FBN1: variants seen among roughly 807,000 people sequenced by gnomAD.
The protein encoded by FBN1 is fibrillin 1.
In FBN1, 29 loss-of-function variants were observed where a neutral mutation model predicts 365.1. That is an observed-to-expected ratio of 0.08 (90% CI 0.06 to 0.11). The LOEUF (loss-of-function observed/expected upper bound fraction) is 0.11. FBN1 is among the 10% of genes least tolerant of loss of function. FBN1 has a pLI of 1.00. For missense variants in FBN1, 2,476 were observed against 3,703.2 expected (o/e 0.67, Z 8.60); for synonymous variants, 1,210 against 1,270.5 (o/e 0.95, Z 1.01).
At chr15:48,527,453 G>T (rs1045526595) in intron 8 of FBN1, among the ~76,000 whole-genome samples, 18 of 152,240 alleles carry the variant, frequency 1.2e-4, no homozygotes, top group African/African-American at 4.3e-4. Flanking sequence ...GACCAGCAGA[G>T]CTTTCTGCAC....
intron 6 of FBN1, among the ~76,000 whole-genome samples, chr15:48,586,801 T>C (rs2044439160): frequency 6.6e-6 from 1 of 152,246 alleles, no homozygotes; most frequent in Admixed American, 6.5e-5. Context: ...TCAAAACATC[T>C]ATCTAGAATA....
chr15:48,626,643 A>C (rs1050903166), intron 2 of FBN1, among the ~76,000 whole-genome samples: 6 of 152,226 alleles, frequency 3.9e-5, no homozygotes, highest in African/African-American at 1.4e-4. Context: ...AGGTAAAAGC[A>C]TGCAGTTTGC....
rs1235208264 is a variant in FBN1, at chr15:48,468,439, G to A, written c.4555C>T (p.Leu1519=). The A allele has an allele frequency of 6.2e-7, 1 of 1,614,202 alleles. No homozygotes were observed. Among genetic ancestry groups the A allele is most frequent in the East Asian group, 2.2e-5 (1 of 44,882 alleles). Residue 1519 remains leucine, a synonymous_variant, in exon 37 of 66, where the codon CTG becomes TTG. Transcript: ENST00000316623. ...ACACAGCCAACTCGAGTTGGGTTCA[G>A]TTCAAAATCAGGTGGGCAGTCACAG... is the stretch of plus-strand genomic sequence containing the variant. ...YICDCPPDFE[L]NPTRVGCVDT... is the part of the protein sequence containing the mutation.
Position 48,515,363 on chromosome 15 carries a change from G to A in FBN1, c.1468+24C>T, listed in dbSNP as rs768799966. On this transcript the variant is annotated intron_variant, in intron 12 of 65. Transcript: ENST00000316623. ...AACAGAATTACAACAGACCCTTGGT[G>A]CCAACCTAGGATGGATCACGTACCA... 4.3e-6 allele frequency: 7 copies of A among 1,613,362 alleles called. No individual in the cohort carries two copies. In the South Asian group the frequency reaches 7.7e-5, roughly 18 times the overall value.
At chr15:48,516,491 C>G (rs2043804266) in intron 10 of FBN1, 129 bp from the exon 11 acceptor site, 4 of 973,088 alleles carry the variant, frequency 4.1e-6, no homozygotes, top group South Asian at 2.9e-5. Context: ...CACAGGTCAA[C>G]TGGAGAAAAG....
Position 48,644,826 on chromosome 15 carries a change from CGGCCGCCGCT to C in FBN1, c.-67_-58del. On this transcript the variant is annotated 5_prime_UTR_variant, in exon 2 of 66. Coordinates refer to ENST00000316623, the MANE Select transcript of FBN1 (RefSeq NM_000138.5). ...CTTGCCGCGCCCGGGGCTCGGTCTG[CGGCCGCCGCT>C]GCGCCCTGAAGCGCACCGCGCCGCC... 6.5e-7 allele frequency: 1 copy of C among 1,549,246 alleles called. No individual in the cohort carries two copies. Among genetic ancestry groups the C allele is most frequent in the Non-Finnish European group, 8.7e-7 (1 of 1,151,320 alleles).
intron 4 of FBN1, 84 bp from the exon 5 acceptor site, chr15:48,600,318 TG>T: frequency 2.0e-6 from 2 of 990,604 alleles, no homozygotes; most frequent in Non-Finnish European, 3.2e-6. Flanking sequence ...TGTAGTTATT[TG>T]AAGAGAAAAT....
chr15:48,553,901 A>G (rs1382518351), intron 6 of FBN1, among the ~76,000 whole-genome samples: 2 of 152,220 alleles, frequency 1.3e-5, no homozygotes, highest in Non-Finnish European at 1.5e-5. Context: ...ATGAGCATTT[A>G]TGGAGCATGG....
At chr15:48,459,837 A>T (rs1470426941) in intron 43 of FBN1, among the ~76,000 whole-genome samples, 2 of 151,536 alleles carry the variant, frequency 1.3e-5, no homozygotes, top group African/African-American at 4.9e-5. Flanking sequence ...TTGATCCACG[A>T]AAGGACTTTA....
chr15:48,447,263 C>T (rs2043167757), intron 46 of FBN1, among the ~76,000 whole-genome samples: 3 of 152,108 alleles, frequency 2.0e-5, no homozygotes, highest in Admixed American at 6.6e-5. Context: ...CCTGGCATTA[C>T]CCCACAATCA....
At chr15:48,501,875 T>A (rs1039530449) in intron 17 of FBN1, among the ~76,000 whole-genome samples, 1 of 152,214 alleles carries the variant, frequency 6.6e-6, no homozygotes, top group African/African-American at 2.4e-5. Flanking sequence ...TAGGCAAATG[T>A]CTTCAACAGA....
In FBN1 at chr15:48,534,167, C is replaced by T. The variant is rs2043995476; in HGVS notation, c.775G>A (p.Gly259Arg). ...ECQAIPGLCQ[G>R]GNCINTVGSF... ...CCAACAGTATTAATGCAATTTCCTCCCTGACAGAGCCCGGGGATGGCCTGG... is the reference window on the plus strand; with the variant it reads ...CCAACAGTATTAATGCAATTTCCTCTCTGACAGAGCCCGGGGATGGCCTGG... The change falls in exon 8 of 66, where the codon GGA (glycine) becomes AGA (arginine). Residue 259 changes from glycine (G) to arginine (R), a missense_variant. Gly to Arg is a moderately radical substitution (Grantham distance 125). Around this residue, in one of 5 missense-constraint regions of FBN1, gnomAD observed 421 missense variants for 520.1 expected, o/e 0.81. Coordinates refer to ENST00000316623, the MANE Select transcript of FBN1 (RefSeq NM_000138.5). The T allele has an allele frequency of 6.2e-7, 1 of 1,613,766 alleles. No homozygotes were observed. Among genetic ancestry groups the T allele is most frequent in the Non-Finnish European group, 8.5e-7 (1 of 1,179,924 alleles).
intron 7 of FBN1, among the ~76,000 whole-genome samples, chr15:48,534,838 T>C (rs1459218236): frequency 6.6e-6 from 1 of 152,172 alleles, no homozygotes; most frequent in African/African-American, 2.4e-5. Context: ...AGTGAGTGTG[T>C]AGTTTCAGCT....
At chr15:48,556,233 A>G (rs2044179234) in intron 6 of FBN1, among the ~76,000 whole-genome samples, 1 of 152,148 alleles carries the variant, frequency 6.6e-6, no homozygotes, top group African/African-American at 2.4e-5. Context: ...ATCCTGGTAA[A>G]GTTTTGGAAG....
At chr15:48,608,973 C>T (rs1191344893) in intron 4 of FBN1, among the ~76,000 whole-genome samples, 1 of 152,196 alleles carries the variant, frequency 6.6e-6, no homozygotes, top group Non-Finnish European at 1.5e-5. Flanking sequence ...TATATTTCTT[C>T]CCCCAGAGGA....
intron 2 of FBN1, chr15:48,642,388 A>G (rs919041835): frequency 1.3e-5 from 2 of 152,358 alleles, no homozygotes; most frequent in South Asian, 4.1e-4. Context: ...AAAAAAAGAA[A>G]GAAAATGAAT....
chr15:48,479,613 A>C (rs1274213401), intron 32 of FBN1, among the ~76,000 whole-genome samples: 1 of 152,208 alleles, frequency 6.6e-6, no homozygotes, highest in Non-Finnish European at 1.5e-5. Flanking sequence ...ATCTATGAAA[A>C]AGATTTGAAG....
At chr15:48,450,461 G>T (rs1210207197) in intron 45 of FBN1, among the ~76,000 whole-genome samples, 1 of 152,150 alleles carries the variant, frequency 6.6e-6, no homozygotes, top group Admixed American at 6.5e-5. Flanking sequence ...GTTTCCACAA[G>T]CACCAGAATT....
chr15:48,570,861 G>C (rs1437090076), intron 6 of FBN1, among the ~76,000 whole-genome samples: 1 of 152,210 alleles, frequency 6.6e-6, no homozygotes, highest in Non-Finnish European at 1.5e-5. Flanking sequence ...GCAGGGGATG[G>C]GTGGGCAGAT....
Sources: gnomAD v4.1 joint callset for allele counts (sites outside exome capture counted in the v4.1 genomes callset) on GRCh38, gnomAD v4.1.1 for gene constraint, gnomAD v4.1.1 regional missense constraint, MANE v1.5 for transcripts, NCBI Gene and HGNC (gene_info 2026-07-23, HGNC 2026-07-21) for gene names.